Variants in DCC observed in about 807,000 individuals in gnomAD.
DCC encodes the protein DCC netrin 1 receptor.
A neutral mutation model predicts 172.5 loss-of-function variants in DCC; 58 were observed. The ratio of observed to expected loss-of-function variants is 0.34; its 90% CI spans 0.27 to 0.42. The LOEUF is 0.42. Among genes scored for constraint, DCC ranks in the 10% least tolerant of loss-of-function variants. DCC has a pLI of 1.00. For synonymous variants in DCC, 709 were observed against 644.5 expected, an observed-to-expected ratio of 1.10 and a Z score of -1.52; for missense variants, 1,740 against 1,791.0, an observed-to-expected ratio of 0.97 and a Z score of 0.51.
intron 1 of DCC, among the ~76,000 whole-genome samples, chr18:52,448,797 A>T (rs922703272): frequency 6.6e-6 from 1 of 152,226 alleles, no homozygotes; most frequent in Non-Finnish European, 1.5e-5. Context: ...TTCCCAGCTA[A>T]TGGCCATAAC....
At chr18:52,729,819 G>C (rs1330505874) in intron 1 of DCC, among the ~76,000 whole-genome samples, 2 of 148,920 alleles carry the variant, frequency 1.3e-5, no homozygotes, top group Admixed American at 1.4e-4. Context: ...TCTAAGGGTA[G>C]AACCACAGAA....
intron 26 of DCC, among the ~76,000 whole-genome samples, chr18:53,495,626 T>A (rs1395340053): frequency 6.6e-6 from 1 of 151,958 alleles, no homozygotes; most frequent in Non-Finnish European, 1.5e-5. Context: ...TCTCGAGGAG[T>A]ATCTTTATGG....
At chr18:52,390,094 G>A (rs894945825) in intron 1 of DCC, among the ~76,000 whole-genome samples, 21 of 152,012 alleles carry the variant, frequency 1.4e-4, no homozygotes, top group East Asian at 3.9e-4. Context: ...TGCTTTCCCC[G>A]CCACAAACAG....
At chr18:53,126,986 C>T (rs1230725455) in intron 7 of DCC, among the ~76,000 whole-genome samples, 4 of 152,146 alleles carry the variant, frequency 2.6e-5, no homozygotes, top group South Asian at 2.1e-4. Context: ...ATAAGTTCTT[C>T]GAGGCTTTCC....
At chr18:52,536,106 G>A (rs890531019) in intron 1 of DCC, among the ~76,000 whole-genome samples, 1 of 152,146 alleles carries the variant, frequency 6.6e-6, no homozygotes, top group Admixed American at 6.6e-5. Flanking sequence ...AAGCAACAAA[G>A]TGTGTGGCTA....
intron 1 of DCC, among the ~76,000 whole-genome samples, chr18:52,731,462 C>G (rs1177620676): frequency 6.6e-6 from 1 of 152,224 alleles, no homozygotes; most frequent in African/African-American, 2.4e-5. Context: ...AGTCACATGA[C>G]AGAGACCTTG....
chr18:52,432,226 C>T (rs904988366), intron 1 of DCC, among the ~76,000 whole-genome samples: 6 of 152,094 alleles, frequency 3.9e-5, no homozygotes, highest in African/African-American at 1.4e-4. Flanking sequence ...TTTAATAATG[C>T]ATGGCTCTCA....
At chr18:53,044,150 A>G (rs1373044370) in intron 5 of DCC, among the ~76,000 whole-genome samples, 1 of 151,928 alleles carries the variant, frequency 6.6e-6, no homozygotes, top group African/African-American at 2.4e-5. Flanking sequence ...CAATAACAAG[A>G]TAGTCTGCTG....
chr18:52,818,496 GC>G (rs1320760182), intron 2 of DCC, among the ~76,000 whole-genome samples: 1 of 151,708 alleles, frequency 6.6e-6, no homozygotes, highest in Non-Finnish European at 1.5e-5. Context: ...GGCAATTAGA[GC>G]CATTTGTAAA....
At chr18:53,316,238 T>A (rs1279801694) in intron 13 of DCC, among the ~76,000 whole-genome samples, 3 of 152,112 alleles carry the variant, frequency 2.0e-5, no homozygotes, top group African/African-American at 7.2e-5. Context: ...TGTTTTTCTC[T>A]AGTTTGTCAA....
intron 15 of DCC, among the ~76,000 whole-genome samples, chr18:53,360,020 A>C (rs2057928076): frequency 6.6e-6 from 1 of 152,284 alleles, no homozygotes; most frequent in East Asian, 1.9e-4. Flanking sequence ...TGCTGGGAGA[A>C]GAGCAAGATT....
At chr18:52,515,199 T>A (rs2031585244) in intron 1 of DCC, among the ~76,000 whole-genome samples, 1 of 152,178 alleles carries the variant, frequency 6.6e-6, no homozygotes, top group African/African-American at 2.4e-5. Context: ...GGAGAAAAGA[T>A]GGCCTTTTCA....
chr18:53,205,133 A>C (rs2055604106), intron 9 of DCC, 83 bp from the exon 10 acceptor site: 1 of 1,064,830 alleles, frequency 9.4e-7, no homozygotes, highest in Non-Finnish European at 1.5e-6. Flanking sequence ...TGAACTGTAA[A>C]AATGTAATTT....
intron 15 of DCC, among the ~76,000 whole-genome samples, chr18:53,350,493 ATAAGC>A (rs1275030572): frequency 1.3e-5 from 2 of 152,184 alleles, no homozygotes; most frequent in African/African-American, 4.8e-5. Context: ...ATTTAAAAAC[ATAAGC>A]TAAGCATACA....
chr18:52,910,319 T>C (rs1203107644), intron 3 of DCC, among the ~76,000 whole-genome samples: 2 of 152,154 alleles, frequency 1.3e-5, no homozygotes, highest in Non-Finnish European at 1.5e-5. Context: ...ATAGATTTTT[T>C]AGAAGATATT....
intron 2 of DCC, among the ~76,000 whole-genome samples, chr18:52,852,319 A>T (rs889240969): frequency 6.6e-6 from 1 of 152,136 alleles, no homozygotes; most frequent in African/African-American, 2.4e-5. Flanking sequence ...AAGCAACACG[A>T]GATTCCCAAA....
intron 1 of DCC, among the ~76,000 whole-genome samples, chr18:52,498,489 T>C (rs2030888342): frequency 6.6e-6 from 1 of 152,036 alleles, no homozygotes; most frequent in Non-Finnish European, 1.5e-5. Context: ...CCGTGCATGG[T>C]GGCAGGAGCC....
chr18:53,370,896 T>G (rs2058054653), intron 15 of DCC, among the ~76,000 whole-genome samples: 1 of 151,854 alleles, frequency 6.6e-6, no homozygotes, highest in Admixed American at 6.6e-5. Context: ...ATTTATCTTA[T>G]GATTCATGCT....
chr18:52,562,549 G>GT lies in DCC; in HGVS notation c.92-189504dup, dbSNP rs2033063579. On this transcript the variant is annotated intron_variant, in intron 1 of 28. Transcript: ENST00000442544. ...TTGCCAAGTTTCCAAGAAATGAAGA[G>GT]TGGTCAATCATCATGTTAACTTTCA... Among the ~76,000 whole-genome samples the GT allele has an allele frequency of 5.3e-5, 8 of 152,230 alleles. No individual in the cohort carries two copies. The South Asian group carries it at 1.7e-3, about 32-fold the overall frequency.
Sources: allele counts gnomAD v4.1 joint callset (sites outside exome capture counted in the v4.1 genomes callset), GRCh38; gene constraint gnomAD v4.1.1; transcripts MANE v1.5; gene names NCBI Gene and HGNC (gene_info 2026-07-23, HGNC 2026-07-21).